RHBDD1: variants seen among roughly 807,000 people sequenced by gnomAD.
RHBDD1 encodes the protein rhomboid domain containing 1.
A neutral mutation model predicts 36.3 loss-of-function variants in RHBDD1; 38 were observed. That is an observed-to-expected ratio of 1.05 (90% CI 0.81 to 1.37). The LOEUF is 1.37. Among genes scored for constraint, RHBDD1 ranks in the 40% most tolerant of loss-of-function variants. The pLI is 0.00. For synonymous variants in RHBDD1, 151 were observed against 136.5 expected (o/e 1.11, Z -0.74); for missense variants, 393 against 377.6 (o/e 1.04, Z -0.34).
intron 3 of RHBDD1, among the ~76,000 whole-genome samples, chr2:226,857,435 G>A (rs1168583187): frequency 6.6e-6 from 1 of 152,088 alleles, no homozygotes; most frequent in Non-Finnish European, 1.5e-5. Flanking sequence ...TCACTCTTAT[G>A]TATATACCCC....
chr2:226,867,963 G>A (rs1012079853), intron 5 of RHBDD1, among the ~76,000 whole-genome samples: 1 of 151,932 alleles, frequency 6.6e-6, no homozygotes, highest in African/African-American at 2.4e-5. Flanking sequence ...GTGATCTGCC[G>A]GCCTTGGCCT....
At position 226,896,950 on chromosome 2, in the gene RHBDD1, G is replaced by A. The variant is rs796475557; in HGVS notation, c.567-9843G>A. ...CCCAAGTAGCTGGGACAACAGGCAC[G>A]TGCCACCATGCCTGGCTAATCTTTG... On this transcript the variant is annotated intron_variant, in intron 5 of 8. Coordinates refer to ENST00000392062, the MANE Select transcript of RHBDD1 (RefSeq NM_001167608.3). Among the ~76,000 whole-genome samples, 6 of 152,086 alleles carry A rather than the reference G, an allele frequency of 3.9e-5. No individual in the cohort carries two copies. In the East Asian group the frequency reaches 7.8e-4, roughly 20 times the overall value.
At chr2:226,915,755 G>A in intron 8 of RHBDD1, among the ~76,000 whole-genome samples, 1 of 152,196 alleles carries the variant, frequency 6.6e-6, no homozygotes, top group East Asian at 1.9e-4. Flanking sequence ...TTATGAAGGT[G>A]GAGAAGAAGG....
In RHBDD1 at chr2:226,997,290, C is replaced by T. The variant is rs1370889080; in HGVS notation, c.*1768C>T. The T allele has an allele frequency of 6.6e-6, 1 of 152,246 alleles. No homozygotes were observed. The highest frequency in any genetic ancestry group is 2.4e-5 in the African/African-American group (1 of 41,462). The allele number at this position is 152,246 out of a possible 1,614,324, so 9.4% of individuals were successfully genotyped here. A position where few individuals can be genotyped will look rare whatever the true frequency, so the allele number is the denominator to read the frequency against. ...TATTCAAGCTAAATGTTACTGCTCT[C>T]TCCCAAATTCTGTAAGTTTGACTCC... On this transcript the variant is annotated 3_prime_UTR_variant, in exon 9 of 9. Transcript: ENST00000392062.
At chr2:226,906,144 T>C (rs1430640505) in intron 5 of RHBDD1, among the ~76,000 whole-genome samples, 1 of 152,202 alleles carries the variant, frequency 6.6e-6, no homozygotes, top group African/African-American at 2.4e-5. Flanking sequence ...TAGATGCCAG[T>C]TTAAGAAGAG....
At chr2:226,802,605 G>A in the RHBDD1 span, among the ~76,000 whole-genome samples, 13 of 152,164 alleles carry the variant, frequency 8.5e-5, no homozygotes, top group African/African-American at 3.1e-4. Context: ...TTGGTGTATT[G>A]TAATGAAATA....
At chr2:226,806,347 A>ATCC in the RHBDD1 span, among the ~76,000 whole-genome samples, 11,027 of 152,180 alleles carry the variant, frequency 0.072, 455 homozygotes, top group Middle Eastern at 0.13. Context: ...CCCACCTCTG[A>ATCC]TCCTTCTAAA....
chr2:226,933,392 T>TA (rs1307037341), intron 8 of RHBDD1, among the ~76,000 whole-genome samples: 2 of 152,138 alleles, frequency 1.3e-5, no homozygotes, highest in African/African-American at 4.8e-5. Flanking sequence ...GGACTCTCCC[T>TA]AGTCTCTCTT....
intron 5 of RHBDD1, among the ~76,000 whole-genome samples, chr2:226,892,056 G>A (rs753176763): frequency 1.2e-4 from 18 of 152,210 alleles, no homozygotes; most frequent in Non-Finnish European, 2.4e-4. Flanking sequence ...GCCCATAGGG[G>A]TCACCTGGCT....
At chr2:226,942,911 A>G (rs915380553) in intron 8 of RHBDD1, among the ~76,000 whole-genome samples, 3 of 152,068 alleles carry the variant, frequency 2.0e-5, no homozygotes, top group Non-Finnish European at 4.4e-5. Context: ...ATTTCCCATT[A>G]CTCCAGTTAC....
At chr2:226,931,723 A>G (rs1044940197) in intron 8 of RHBDD1, among the ~76,000 whole-genome samples, 2 of 152,096 alleles carry the variant, frequency 1.3e-5, no homozygotes, top group Non-Finnish European at 2.9e-5. Flanking sequence ...TCCTTCACCA[A>G]TACTAAATGA....
intron 5 of RHBDD1, among the ~76,000 whole-genome samples, chr2:226,868,668 C>G (rs1944535480): frequency 6.6e-6 from 1 of 151,988 alleles, no homozygotes; most frequent in Non-Finnish European, 1.5e-5. Context: ...GGTGTCTTAC[C>G]TTATTTGAGA....
chr2:226,970,332 C>T lies in RHBDD1; in HGVS notation c.857-25099C>T, dbSNP rs555854794. Among the ~76,000 whole-genome samples, 67 of 152,044 alleles carry T rather than the reference C, an allele frequency of 4.4e-4. 1 individual carries two copies. The highest frequency in any genetic ancestry group is 1.5e-3 in the African/African-American group (63 of 41,490). On this transcript the variant is annotated intron_variant, in intron 8 of 8. Coordinates refer to ENST00000392062, the MANE Select transcript of RHBDD1 (RefSeq NM_001167608.3). ...TCTCATTTTTAGGACAAACAGAAGA[C>T]GGTGTCTGCTTAGAACTGAAACTAA...
chr2:226,869,310 T>A, intron 5 of RHBDD1: 1 of 379,592 alleles, frequency 2.6e-6, no homozygotes, highest in Non-Finnish European at 3.6e-6. Flanking sequence ...GATAAACTTC[T>A]AATATACAAG....
At chr2:226,933,340 T>C (rs114934994) in intron 8 of RHBDD1, among the ~76,000 whole-genome samples, 134 of 152,232 alleles carry the variant, frequency 8.8e-4, no homozygotes, top group African/African-American at 3.2e-3. Flanking sequence ...TGCTGTTCTT[T>C]TCCCACAGGA....
At chr2:226,827,165 A>G in the RHBDD1 span, among the ~76,000 whole-genome samples, 1 of 151,832 alleles carries the variant, frequency 6.6e-6, no homozygotes, top group Admixed American at 6.6e-5. Flanking sequence ...GGGTTTTGCC[A>G]TATTTTCCGG....
At chr2:226,951,072 A>G (rs1035958208) in intron 8 of RHBDD1, among the ~76,000 whole-genome samples, 3 of 151,984 alleles carry the variant, frequency 2.0e-5, no homozygotes, top group Admixed American at 6.6e-5. Flanking sequence ...CTTCCCCTCC[A>G]TTTTCTTCTA....
intron 5 of RHBDD1, among the ~76,000 whole-genome samples, chr2:226,874,759 G>A (rs539206716): frequency 2.0e-5 from 3 of 152,164 alleles, no homozygotes; most frequent in Non-Finnish European, 2.9e-5. Context: ...CAGTTCCAGG[G>A]ATTTGGATGT....
At chr2:226,884,706 A>C (rs1946068193) in intron 5 of RHBDD1, among the ~76,000 whole-genome samples, 1 of 152,196 alleles carries the variant, frequency 6.6e-6, no homozygotes, top group Non-Finnish European at 1.5e-5. Context: ...GAGTTTTTAA[A>C]CAATGTTGCT....
Sources: allele counts gnomAD v4.1 joint callset (sites outside exome capture counted in the v4.1 genomes callset), GRCh38; gene constraint gnomAD v4.1.1; transcripts MANE v1.5; gene names NCBI Gene and HGNC (gene_info 2026-07-23, HGNC 2026-07-21).